ACBD5: variants seen among roughly 807,000 people sequenced by gnomAD.
ACBD5 encodes the protein acyl-CoA binding domain containing 5.
A neutral mutation model predicts 71.8 loss-of-function variants in ACBD5; 40 were observed. The observed-to-expected ratio is 0.56, with a 90% CI of 0.43 to 0.72. The LOEUF is 0.72. ACBD5 is among the 30% of genes least tolerant of loss of function. The pLI is 0.00. For missense variants in ACBD5, 559 were observed against 644.5 expected (o/e 0.87, Z 1.44); for synonymous variants, 229 against 218.6 (o/e 1.05, Z -0.42).
chr10:27,237,613 TA>T (rs1480070621), intron 2 of ACBD5, among the ~76,000 whole-genome samples: 4 of 138,038 alleles, frequency 2.9e-5, no homozygotes, highest in African/African-American at 1.1e-4. Flanking sequence ...TACCATTTGA[TA>T]GGATATCTTT....
chr10:27,213,894 A>G (rs1331396741), intron 8 of ACBD5, among the ~76,000 whole-genome samples: 2 of 152,224 alleles, frequency 1.3e-5, no homozygotes, highest in Non-Finnish European at 2.9e-5. Flanking sequence ...ACTATTCACA[A>G]TAGCCAAGAT....
At chr10:27,226,994 C>A (rs11015618) in intron 4 of ACBD5, among the ~76,000 whole-genome samples, 1 of 64,300 alleles carries the variant, frequency 1.6e-5, no homozygotes, top group Non-Finnish European at 3.3e-5. Context: ...TTAAAACATT[C>A]TGATTTTTTT....
chr10:27,189,656 A>G (rs1054971832), intron 13 of ACBD5, among the ~76,000 whole-genome samples: 31 of 149,798 alleles, frequency 2.1e-4, no homozygotes, highest in Admixed American at 1.0e-3. Context: ...TAGGAGATAT[A>G]CCTAATGTAA....
At chr10:27,224,887 C>T (rs577387431) in intron 4 of ACBD5, among the ~76,000 whole-genome samples, 106 of 152,098 alleles carry the variant, frequency 7.0e-4, no homozygotes, top group African/African-American at 1.9e-3. Context: ...AAATATTAGC[C>T]GGGCTTGGTG....
intron 8 of ACBD5, 22 bp downstream of exon 8, chr10:27,215,513 A>T: frequency 6.5e-7 from 1 of 1,528,564 alleles, no homozygotes; most frequent in South Asian, 1.1e-5. Flanking sequence ...AAAATACACC[A>T]ATCAGAAAAT....
At chr10:27,189,634 G>GGT (rs1320103070) in intron 13 of ACBD5, among the ~76,000 whole-genome samples, 1 of 134,688 alleles carries the variant, frequency 7.4e-6, no homozygotes, top group East Asian at 2.2e-4. Flanking sequence ...GGGTGGGGGG[G>GGT]AGGGATAGCA....
chr10:27,188,132 T>C (rs980400833), intron 13 of ACBD5, among the ~76,000 whole-genome samples: 5 of 152,210 alleles, frequency 3.3e-5, no homozygotes, highest in African/African-American at 1.2e-4. Flanking sequence ...CAGTGAAAGA[T>C]ACACCATTAT....
chr10:27,219,326 A>AAAC (rs34613297), intron 6 of ACBD5, among the ~76,000 whole-genome samples: 1 of 151,180 alleles, frequency 6.6e-6, no homozygotes, highest in East Asian at 1.9e-4. Context: ...CAAAAAAAAA[A>AAAC]CACTATGCCT....
intron 12 of ACBD5, among the ~76,000 whole-genome samples, chr10:27,200,449 CTCTT>C (rs748958652): frequency 6.6e-6 from 1 of 151,822 alleles, no homozygotes; most frequent in Non-Finnish European, 1.5e-5. Flanking sequence ...TCTTTTTTCT[CTCTT>C]TTTTTTTTTG....
chr10:27,227,857 CG>C (rs1435066754), intron 4 of ACBD5, among the ~76,000 whole-genome samples: 1 of 151,948 alleles, frequency 6.6e-6, no homozygotes, highest in Admixed American at 6.6e-5. Context: ...AGATTACAAG[CG>C]CCCGCCACCA....
chr10:27,233,739 T>C (rs2064230531), intron 3 of ACBD5, among the ~76,000 whole-genome samples: 1 of 151,728 alleles, frequency 6.6e-6, no homozygotes. Flanking sequence ...GTGTGGGTTT[T>C]AAAACATGCT....
chr10:27,197,821 A>G (rs745748295), intron 12 of ACBD5, among the ~76,000 whole-genome samples: 6 of 152,046 alleles, frequency 3.9e-5, no homozygotes, highest in Admixed American at 6.6e-5. Flanking sequence ...TAATTTCTGT[A>G]TTTTTAATAG....
intron 5 of ACBD5, among the ~76,000 whole-genome samples, chr10:27,220,716 T>C (rs1557163): frequency 0.069 from 10,463 of 152,170 alleles, 681 homozygotes; most frequent in African/African-American, 0.17. Flanking sequence ...TATGAAAATG[T>C]GAGGGATCAA....
upstream of ACBD5, among the ~76,000 whole-genome samples, chr10:27,241,152 A>G (rs1349722274): frequency 2.0e-5 from 3 of 152,110 alleles, no homozygotes; most frequent in Non-Finnish European, 4.4e-5. Flanking sequence ...GGGCAACAAA[A>G]ATGACTCTGC....
In ACBD5 at chr10:27,238,712, T is replaced by A. The variant is rs150893762; in HGVS notation, c.181+1607A>T. On this transcript the variant is annotated intron_variant, in intron 2 of 12. Transcript: ENST00000396271. ...ATATTTGTTTTTAAAAATTTCTGAATCTGCATTTAATGAATTTTTATTGAA... is the reference window on the plus strand; with the variant it reads ...ATATTTGTTTTTAAAAATTTCTGAAACTGCATTTAATGAATTTTTATTGAA... Among the ~76,000 whole-genome samples, 273 of 152,340 alleles carry A rather than the reference T, an allele frequency of 1.8e-3. 1 individual carries two copies. Among genetic ancestry groups the A allele is most frequent in the Admixed American group, 6.3e-3 (96 of 15,306 alleles).
intron 4 of ACBD5, among the ~76,000 whole-genome samples, chr10:27,227,468 C>T (rs2063230302): frequency 5.3e-5 from 8 of 152,178 alleles, no homozygotes; most frequent in Admixed American, 5.2e-4. Flanking sequence ...GTCTCCCAAG[C>T]ACTTCTAACC....
At chr10:27,213,624 G>T (rs1245688942) in intron 8 of ACBD5, among the ~76,000 whole-genome samples, 2 of 152,106 alleles carry the variant, frequency 1.3e-5, no homozygotes, top group Non-Finnish European at 2.9e-5. Flanking sequence ...GGGCATGGTG[G>T]CGCATGTCTG....
At chr10:27,210,778 C>G (rs1451371841) in intron 9 of ACBD5, 36 bp downstream of exon 9, 2 of 1,613,602 alleles carry the variant, frequency 1.2e-6, no homozygotes, top group South Asian at 2.2e-5. Context: ...GTAAGTAAAT[C>G]AATAAAGGTG....
chr10:27,200,445 TTC>T (rs779783981), intron 12 of ACBD5, among the ~76,000 whole-genome samples: 45 of 152,136 alleles, frequency 3.0e-4, no homozygotes, highest in South Asian at 6.2e-4. Flanking sequence ...ACTTTCTTTT[TTC>T]TCTCTTTTTT....
Sources: allele counts gnomAD v4.1 joint callset (sites outside exome capture counted in the v4.1 genomes callset), GRCh38; gene constraint gnomAD v4.1.1; transcripts MANE v1.5; gene names NCBI Gene and HGNC (gene_info 2026-07-23, HGNC 2026-07-21).